Variants in PEX6 observed in about 807,000 individuals in gnomAD.
PEX6 encodes peroxisome biogenesis factor 6.
A neutral mutation model predicts 85.6 loss-of-function variants in PEX6; 55 were observed. The ratio of observed to expected loss-of-function variants is 0.64; its 90% CI spans 0.52 to 0.80. The LOEUF is 0.80. PEX6 is among the 30% of genes least tolerant of loss of function. PEX6 has a pLI of 0.00. For missense variants in PEX6, 1,099 were observed against 1,260.3 expected, an observed-to-expected ratio of 0.87 and a Z score of 1.94; for synonymous variants, 519 against 549.1, an observed-to-expected ratio of 0.95 and a Z score of 0.77.
chr6:42,966,583 A>G lies in PEX6; in HGVS notation c.2036T>C (p.Phe679Ser). The G allele has an allele frequency of 6.2e-7, 1 of 1,614,106 alleles. No individual in the cohort carries two copies. The highest frequency in any genetic ancestry group is 1.7e-5 in the Admixed American group (1 of 60,016). The change falls in exon 10 of 17, where the codon TTT becomes TCT. Residue 679 changes from phenylalanine (F) to serine (S), a missense_variant. Physicochemically the swap from Phe to Ser is radical, Grantham distance 155. Transcript: ENST00000304611. ...AAGFPLLAEDFGQALEQLQTA... is the reference protein window; with the variant it reads ...AAGFPLLAEDSGQALEQLQTA... Reference sequence around the variant, plus strand: ...CTGCAGTTGCTCCAGTGCCTGCCCAAAGTCCTCAGCCAGGAGAGGAAAGCC... The same window carrying G: ...CTGCAGTTGCTCCAGTGCCTGCCCAGAGTCCTCAGCCAGGAGAGGAAAGCC...
chr6:42,964,644 G>T lies in PEX6; in HGVS notation c.2806+146C>A. On this transcript the variant is annotated intron_variant, in intron 16 of 16. Coordinates refer to ENST00000304611, the MANE Select transcript of PEX6 (RefSeq NM_000287.4). This position sits in a 1 kb window ranked among gnomAD's most constrained non-coding sequence, Gnocchi z 4.6. ...TCCCTTAAACATTTTTTTTAGAGTT[G>T]GGGTCTCTCTGTGTTGCCCAGGCTG... 1 of 1,261,910 alleles carries T rather than the reference G, an allele frequency of 7.9e-7. No homozygotes were observed. The highest frequency in any genetic ancestry group is 1.1e-6 in the Non-Finnish European group (1 of 872,840). The allele number at this position is 1,261,910 out of a possible 1,614,324, so 78.2% of individuals were successfully genotyped here. A position where few individuals can be genotyped will look rare whatever the true frequency, so the allele number is the denominator to read the frequency against.
At chr6:42,969,255 A>G (rs1581765132) in intron 5 of PEX6, among the ~76,000 whole-genome samples, 1 of 152,310 alleles carries the variant, frequency 6.6e-6, no homozygotes, top group East Asian at 1.9e-4. Flanking sequence ...CCTCAACGTT[A>G]TGACTGGTCT....
At chr6:42,975,063 T>C (rs780505850) in intron 1 of PEX6, 25 bp from the exon 2 acceptor site, 1 of 1,596,148 alleles carries the variant, frequency 6.3e-7, no homozygotes, top group South Asian at 1.1e-5. Flanking sequence ...ACCACCACGT[T>C]ATAACCTTCT....
rs1191355875 is a variant in PEX6 at position 42,965,374 on chromosome 6, G to A, written c.2472-6C>T. On this transcript the variant is annotated splice_polypyrimidine_tract_variant and splice_region_variant and intron_variant, in intron 13 of 16. Transcript: ENST00000304611. This position sits in a 1 kb window ranked among gnomAD's most constrained non-coding sequence, Gnocchi z 5.0. ...CAAGGAGCTGAGACACCACCCTGGA[G>A]AGAAGGGAGCAAGGGCAAGAGTCCT... 3 of 1,604,852 alleles carry A rather than the reference G, an allele frequency of 1.9e-6. No individual in the cohort carries two copies. The highest frequency in any genetic ancestry group is 2.6e-6 in the Non-Finnish European group (3 of 1,172,072).
rs1040199114 is a variant in PEX6 at position 42,964,915 on chromosome 6, G to A, written c.2681C>T (p.Pro894Leu). The A allele has an allele frequency of 1.9e-6, 3 of 1,614,038 alleles. No homozygotes were observed. Among genetic ancestry groups the A allele is most frequent in the Non-Finnish European group, 2.5e-6 (3 of 1,180,046 alleles). ...TAGCACGTTTACCAGGCTCACAGAT[G>A]GCTCTAGCTTGAATCTGTTGTGGGA... The part of the protein sequence containing the change: ...SAITRKFKLE[P>L]SVSLVNVLDC... The change falls in exon 16 of 17, where the codon CCA (proline) becomes CTA (leucine). Residue 894 changes from proline (P) to leucine (L), a missense_variant. Physicochemically the swap from Pro to Leu is moderately conservative, Grantham distance 98. Around this residue, in one of 3 missense-constraint regions of PEX6, gnomAD observed 514 missense variants for 627.0 expected, o/e 0.82. Coordinates refer to ENST00000304611, the MANE Select transcript of PEX6 (RefSeq NM_000287.4). This position sits in a 1 kb window ranked among gnomAD's most constrained non-coding sequence, Gnocchi z 4.6.
chr6:42,966,793 G>A lies in PEX6; in HGVS notation c.1950C>T (p.Ile650=), dbSNP rs747394761. The change falls in exon 9 of 17, where the codon ATC becomes ATT. Residue 650 remains isoleucine, a synonymous_variant. Transcript: ENST00000304611. ...THSSRAACTR[I]KNSGLAGGLT... ...CCACGTCCTCTTACCCTGAGTTCTT[G>A]ATCCTGGTGCAGGCTGCCCGGCTGC... 4 of 1,613,840 alleles carry A rather than the reference G, an allele frequency of 2.5e-6. No individual in the cohort carries two copies. The Admixed American group carries it at 6.7e-5, about 27-fold the overall frequency.
Position 42,978,731 on chromosome 6 carries a change from C to G in PEX6, c.420G>C (p.Glu140Asp). 1 of 1,538,472 alleles carries G rather than the reference C, an allele frequency of 6.5e-7. No individual in the cohort carries two copies. The change falls in exon 1 of 17, where the codon GAG (glutamate) becomes GAC (aspartate). Residue 140 changes from glutamate (E) to aspartate (D), a missense_variant. By Grantham distance (45) the Glu-to-Asp change is conservative. Transcript: ENST00000304611. ...TLPVPGPRVL[E>D]TRPALQGLLG... Reference sequence around the variant, plus strand: ...GCAGCCCTTGCAACGCCGGCCGCGTCTCCAGCACCCGCGGTCCGGGCACTG... The same window carrying G: ...GCAGCCCTTGCAACGCCGGCCGCGTGTCCAGCACCCGCGGTCCGGGCACTG...
chr6:42,979,020 C>T lies in PEX6; in HGVS notation c.131G>A (p.Gly44Glu). Residue 44 changes from glycine to glutamate, a missense_variant, in exon 1 of 17, where the codon GGG becomes GAG. By Grantham distance (98) the Gly-to-Glu change is moderately conservative. This residue lies in a region of PEX6 where 579 missense variants were observed against 611.6 expected (regional missense o/e 0.95). Coordinates refer to ENST00000304611, the MANE Select transcript of PEX6 (RefSeq NM_000287.4). ...CAGCGCCGGCCCTGCCGGGCTCTCC[C>T]CTGCAGGCCTCAGGGCCAGCACCAG... ...LGLVLALRPA[G>E]ESPAGPALLV... The T allele has an allele frequency of 1.3e-6, 2 of 1,527,832 alleles. No individual in the cohort carries two copies. Among genetic ancestry groups the T allele is most frequent in the Non-Finnish European group, 1.7e-6 (2 of 1,143,766 alleles). 94.6% of individuals were successfully genotyped at this position (1,527,832 alleles called of 1,614,324 possible). A position where few individuals can be genotyped will look rare whatever the true frequency, so the allele number is the denominator to read the frequency against.
At chr6:42,974,147 C>A in intron 2 of PEX6, 61 bp from the exon 3 acceptor site, 1 of 1,237,704 alleles carries the variant, frequency 8.1e-7, no homozygotes, top group Non-Finnish European at 1.2e-6. Context: ...GTGTTCATTA[C>A]CACATGTCCA....
rs1196012985 is a variant in PEX6 at position 42,969,799 on chromosome 6, C to T, written c.1236G>A (p.Val412=). ...ADTTHTSLYM[V]GSTLSPVPWL... is the part of the protein sequence containing the mutation. ...ATGGAACAGGGCTCAGGGTAGAACC[C>T]ACCTGTGAAAGGTAATAAAAAGCTT... Residue 412 remains valine, a splice_region_variant and synonymous_variant, in exon 5 of 17, where the codon GTG becomes GTA. Coordinates refer to ENST00000304611, the MANE Select transcript of PEX6 (RefSeq NM_000287.4). 9 of 1,613,494 alleles carry T rather than the reference C, an allele frequency of 5.6e-6. No homozygotes were observed. The highest frequency in any genetic ancestry group is 6.8e-6 in the Non-Finnish European group (8 of 1,180,018).
At chr6:42,968,706 A>C (rs142602372) in intron 6 of PEX6, among the ~76,000 whole-genome samples, 168 bp downstream of exon 6, 16 of 152,262 alleles carry the variant, frequency 1.1e-4, no homozygotes, top group Admixed American at 1.0e-3. Flanking sequence ...CTCCTCCTTG[A>C]AAGTACCTCT....
At chr6:42,966,015 G>A (rs1769783099) in intron 12 of PEX6, 29 bp downstream of exon 12, 5 of 1,611,318 alleles carry the variant, frequency 3.1e-6, no homozygotes, top group Non-Finnish European at 4.2e-6. Context: ...GGGAAGCATG[G>A]GACGCCCTGC....
chr6:42,965,184 G>A lies in PEX6; in HGVS notation c.2589-32C>T. ...GGAGATAGGCAGGTATAAGTTTCAG[G>A]GAGCCCAGCCATGAGGGGTGAAGGA... On this transcript the variant is annotated intron_variant, in intron 14 of 16. Transcript: ENST00000304611. The surrounding 1 kb of genome is among the most constrained non-coding windows in gnomAD (Gnocchi z 5.0). The A allele has an allele frequency of 2.5e-6, 4 of 1,612,684 alleles. No homozygotes were observed. Among genetic ancestry groups the A allele is most frequent in the Non-Finnish European group, 3.4e-6 (4 of 1,178,654 alleles).
intron 3 of PEX6, among the ~76,000 whole-genome samples, chr6:42,973,005 A>G (rs191928327): frequency 1.6e-4 from 24 of 152,094 alleles, no homozygotes; most frequent in Non-Finnish European, 2.9e-4. Context: ...AAAGAATTTA[A>G]ATTTTACCTA....
intron 1 of PEX6, 58 bp downstream of exon 1, chr6:42,978,211 G>A (rs1770385449): frequency 9.5e-6 from 15 of 1,578,478 alleles, no homozygotes; most frequent in Non-Finnish European, 1.3e-5. Flanking sequence ...ATTTACCTAA[G>A]ACAGAGAAGA....
chr6:42,967,835 G>A (rs1277744604), intron 7 of PEX6, among the ~76,000 whole-genome samples: 40 of 152,118 alleles, frequency 2.6e-4, no homozygotes, highest in Non-Finnish European at 2.9e-5. Context: ...CGGAGCTCAG[G>A]GCTGTCTAGA....
intron 3 of PEX6, among the ~76,000 whole-genome samples, chr6:42,972,437 C>T (rs919445840): frequency 1.3e-5 from 2 of 152,166 alleles, no homozygotes; most frequent in African/African-American, 2.4e-5. Flanking sequence ...CTCTATTTCT[C>T]ATTCTCTGTT....
chr6:42,974,451 GTTTTTTTTTTTT>G, intron 2 of PEX6, among the ~76,000 whole-genome samples: 1 of 61,032 alleles, frequency 1.6e-5, no homozygotes, highest in Middle Eastern at 0.015. Flanking sequence ...TGTTTTTTTT[GTTTTTTTTTTTT>G]TTTTTTTTTT....
chr6:42,974,440 ATGTTTTTTTTGTTT>A (rs1770185512), intron 2 of PEX6, among the ~76,000 whole-genome samples: 1 of 94,070 alleles, frequency 1.1e-5, no homozygotes, highest in African/African-American at 5.5e-5. Context: ...TCTGTCTGAA[ATGTTTTTTTTGTTT>A]TTTTTTTTTT....
Sources: allele counts gnomAD v4.1 joint callset (sites outside exome capture counted in the v4.1 genomes callset), GRCh38; gene constraint gnomAD v4.1.1; regional missense constraint gnomAD v4.1.1; non-coding constraint Gnocchi (gnomAD v3.1); transcripts MANE v1.5; gene names NCBI Gene and HGNC (gene_info 2026-07-23, HGNC 2026-07-21).